Variants in BICD1 observed in about 807,000 individuals in gnomAD.
BICD1 encodes protein bicaudal D homolog 1.
BICD1 carries 35 observed loss-of-function variants against 92.5 expected under a neutral mutation model. The ratio of observed to expected loss-of-function variants is 0.38; its 90% CI spans 0.29 to 0.50. BICD1 has a LOEUF of 0.50. Among genes scored for constraint, BICD1 ranks in the 20% least tolerant of loss-of-function variants. The probability of loss-of-function intolerance (pLI) is 0.93; values close to 1 mark genes in which losing one functional copy is unlikely to be tolerated. For missense variants in BICD1, 950 were observed against 1,189.8 expected (o/e 0.80, Z 2.97); for synonymous variants, 429 against 465.1 (o/e 0.92, Z 1.00).
chr12:32,231,997 T>A (rs893145992), intron 2 of BICD1, among the ~76,000 whole-genome samples: 1 of 151,002 alleles, frequency 6.6e-6, no homozygotes, highest in Non-Finnish European at 1.5e-5. Context: ...TTGTTGGACA[T>A]TTGGGTTGGT....
chr12:32,107,726 C>T (rs1436962689), intron 1 of BICD1, 182 bp downstream of exon 1: 8 of 790,874 alleles, frequency 1.0e-5, no homozygotes. Context: ...GAAAAATTGC[C>T]TAAGAAATGA....
chr12:32,269,267 G>A (rs1375342811), intron 2 of BICD1, among the ~76,000 whole-genome samples: 1 of 152,100 alleles, frequency 6.6e-6, no homozygotes, highest in East Asian at 1.9e-4. Flanking sequence ...ATAGGCACAT[G>A]AATATTTTGA....
At chr12:32,291,074 C>T (rs778735018) in intron 2 of BICD1, among the ~76,000 whole-genome samples, 86 of 152,138 alleles carry the variant, frequency 5.7e-4, no homozygotes, top group Admixed American at 1.5e-3. Flanking sequence ...TCATTTTTTA[C>T]ATGAAAGATT....
In BICD1 at chr12:32,305,729, G is replaced by C; in HGVS notation, c.612G>C (p.Lys204Asn). The change falls in exon 4 of 10, where the codon AAG becomes AAC. Residue 204 changes from lysine to asparagine, a missense_variant. This residue lies in a region of BICD1 where 246 missense variants were observed against 258.4 expected (regional missense o/e 0.95). Transcript: ENST00000652176. ...ACGAAGGCTTAAAGCATGAGATTAA[G>C]CGATTTGAGGAGGAGACGGTACTGC... The part of the protein sequence containing the change: ...VEYEGLKHEI[K>N]RFEEETVLLN... 6.2e-7 allele frequency: 1 copy of C among 1,613,588 alleles called. No homozygotes were observed. The highest frequency in any genetic ancestry group is 2.2e-5 in the East Asian group (1 of 44,886).
At chr12:32,194,743 C>G (rs945421976) in intron 1 of BICD1, among the ~76,000 whole-genome samples, 1 of 151,888 alleles carries the variant, frequency 6.6e-6, no homozygotes, top group African/African-American at 2.4e-5. Context: ...ATTAGCCGGG[C>G]GTGGTGGCGC....
intron 2 of BICD1, among the ~76,000 whole-genome samples, chr12:32,268,739 T>G (rs1304451517): frequency 6.6e-6 from 1 of 152,134 alleles, no homozygotes; most frequent in Non-Finnish European, 1.5e-5. Context: ...GAGGTTGCAG[T>G]GAGCCAAGAT....
chr12:32,349,046 T>A (rs1938756817), intron 8 of BICD1, among the ~76,000 whole-genome samples: 1 of 152,152 alleles, frequency 6.6e-6, no homozygotes. Flanking sequence ...GTATCCTTTG[T>A]GCCAGGGAGT....
At chr12:32,237,389 T>C (rs1946105111) in intron 2 of BICD1, among the ~76,000 whole-genome samples, 1 of 152,212 alleles carries the variant, frequency 6.6e-6, no homozygotes, top group East Asian at 1.9e-4. Flanking sequence ...CTAGCTGAGA[T>C]CATTGGTAAA....
In BICD1 at chr12:32,328,155, G is replaced by A. The variant is rs751383007; in HGVS notation, c.1700G>A (p.Gly567Asp). ...TTGTCCCCACGATTAGCCAGGCGGGGTGTGTCATCCCCGGTAGAAACAAGG... is the reference window on the plus strand; with the variant it reads ...TTGTCCCCACGATTAGCCAGGCGGGATGTGTCATCCCCGGTAGAAACAAGG... ...GLLSPRLARR[G>D]VSSPVETRTS... Residue 567 changes from glycine to aspartate, a missense_variant, in exon 5 of 10, where the codon GGT becomes GAT. Gly to Asp is a moderately conservative substitution (Grantham distance 94). Transcript: ENST00000652176. The surrounding 1 kb of genome is among the most constrained non-coding windows in gnomAD (Gnocchi z 4.4). 10 of 1,614,058 alleles carry A rather than the reference G, an allele frequency of 6.2e-6. No individual in the cohort carries two copies. In the East Asian group the frequency reaches 1.3e-4, roughly 22 times the overall value.
At chr12:32,161,465 T>C (rs1266390441) in intron 1 of BICD1, among the ~76,000 whole-genome samples, 1 of 152,214 alleles carries the variant, frequency 6.6e-6, no homozygotes, top group Non-Finnish European at 1.5e-5. Flanking sequence ...CGAGAAAGTC[T>C]TGGATGTTTT....
intron 1 of BICD1, among the ~76,000 whole-genome samples, chr12:32,113,481 GC>G (rs1200154809): frequency 6.7e-6 from 1 of 149,276 alleles, no homozygotes; most frequent in Non-Finnish European, 1.5e-5. Flanking sequence ...AACCATCCTG[GC>G]TCAAGTGATC....
rs538065466 is a variant in BICD1, at chr12:32,204,762, G to T, written c.214-11485G>T. Among the ~76,000 whole-genome samples, 194 of 152,282 alleles carry T rather than the reference G, an allele frequency of 1.3e-3. 3 individuals carry two copies. The South Asian group carries it at 0.039, about 30-fold the overall frequency. ...AAATGGTATGCCAAGATGCCCTGGG[G>T]AACCACAGCAAACTCACAGAAGACG... On this transcript the variant is annotated intron_variant, in intron 1 of 9. Transcript: ENST00000652176.
At chr12:32,280,124 AG>A (rs1947377354) in intron 2 of BICD1, among the ~76,000 whole-genome samples, 3 of 152,180 alleles carry the variant, frequency 2.0e-5, no homozygotes, top group Non-Finnish European at 4.4e-5. Context: ...ATAAAAATAA[AG>A]TGAAAATTAT....
chr12:32,339,785 T>A (rs1433938165), intron 8 of BICD1: 1 of 985,266 alleles, frequency 1.0e-6, no homozygotes. Flanking sequence ...TATTTGACTA[T>A]TGCCAGAAAA....
intron 1 of BICD1, among the ~76,000 whole-genome samples, chr12:32,208,039 G>A (rs1407458881): frequency 6.6e-6 from 1 of 152,180 alleles, no homozygotes; most frequent in African/African-American, 2.4e-5. Context: ...TATTTAATAA[G>A]CATTTACTGT....
intron 2 of BICD1, among the ~76,000 whole-genome samples, chr12:32,254,987 C>T (rs1946677428): frequency 6.6e-6 from 1 of 152,038 alleles, no homozygotes; most frequent in South Asian, 2.1e-4. Flanking sequence ...CTTGGGCTGC[C>T]ATAACAAAAT....
At chr12:32,184,431 C>T (rs761187068) in intron 1 of BICD1, among the ~76,000 whole-genome samples, 2 of 152,064 alleles carry the variant, frequency 1.3e-5, no homozygotes, top group Non-Finnish European at 2.9e-5. Context: ...GGATTACAGA[C>T]GCATGCCACC....
intron 1 of BICD1, among the ~76,000 whole-genome samples, chr12:32,169,757 A>T (rs148670984): frequency 1.3e-5 from 2 of 149,760 alleles, no homozygotes; most frequent in African/African-American, 4.9e-5. Flanking sequence ...GCTTCCAAAG[A>T]TACACTTCCT....
chr12:32,358,393 G>T (rs1438693793), intron 8 of BICD1, among the ~76,000 whole-genome samples: 2 of 151,180 alleles, frequency 1.3e-5, no homozygotes, highest in Non-Finnish European at 3.0e-5. Flanking sequence ...GAGCCACTGC[G>T]CCTGGACTCA....
Sources: gnomAD v4.1 joint callset for allele counts (sites outside exome capture counted in the v4.1 genomes callset) on GRCh38, gnomAD v4.1.1 for gene constraint, gnomAD v4.1.1 regional missense constraint, Gnocchi (gnomAD v3.1) non-coding constraint, MANE v1.5 for transcripts, NCBI Gene and HGNC (gene_info 2026-07-23, HGNC 2026-07-21) for gene names.